Variants in PDE12 observed in about 807,000 individuals in gnomAD.
The protein encoded by PDE12 is phosphodiesterase 12, also known as 2',5'-phosphodiesterase 12.
PDE12 carries 26 observed loss-of-function variants against 45.4 expected under a neutral mutation model. The observed-to-expected ratio is 0.57, with a 90% CI of 0.42 to 0.79. The LOEUF is 0.79. Among genes scored for constraint, PDE12 ranks in the 30% least tolerant of loss-of-function variants. The probability of loss-of-function intolerance (pLI) is 0.00; values close to 1 mark genes in which losing one functional copy is unlikely to be tolerated. For missense variants in PDE12, 668 were observed against 790.0 expected (o/e 0.85, Z 1.85); for synonymous variants, 283 against 323.9 (o/e 0.87, Z 1.36).
the PDE12 span, among the ~76,000 whole-genome samples, chr3:57,592,328 A>G: frequency 6.6e-6 from 1 of 152,068 alleles, no homozygotes; most frequent in Admixed American, 6.6e-5. Flanking sequence ...CTCTACTACA[A>G]ATATGAAAAT....
the PDE12 span, among the ~76,000 whole-genome samples, chr3:57,622,563 C>G: frequency 6.6e-6 from 1 of 152,108 alleles, no homozygotes; most frequent in Non-Finnish European, 1.5e-5. Context: ...CCAGACATCC[C>G]CCTCATACCA....
chr3:57,587,362 CAAAGA>C, the PDE12 span, among the ~76,000 whole-genome samples: 3 of 137,916 alleles, frequency 2.2e-5, no homozygotes, highest in Admixed American at 7.3e-5. Context: ...AAAATACTGA[CAAAGA>C]AAAGAATTGA....
chr3:57,641,689 G>T, the PDE12 span: 1 of 1,612,822 alleles, frequency 6.2e-7, no homozygotes, highest in Non-Finnish European at 8.5e-7. Flanking sequence ...ATAATGTGTG[G>T]CCAGTGCTGG....
At chr3:57,616,981 A>C in the PDE12 span, among the ~76,000 whole-genome samples, 4 of 152,168 alleles carry the variant, frequency 2.6e-5, no homozygotes, top group Admixed American at 6.5e-5. Flanking sequence ...TCAAGATCAC[A>C]TCACTGCACT....
At chr3:57,572,655 G>A in the PDE12 span, among the ~76,000 whole-genome samples, 2 of 152,090 alleles carry the variant, frequency 1.3e-5, no homozygotes, top group African/African-American at 2.4e-5. Flanking sequence ...CAGCCTGGGC[G>A]ACAGAGTGAG....
chr3:57,616,325 GAAA>G, the PDE12 span, among the ~76,000 whole-genome samples: 4 of 150,650 alleles, frequency 2.7e-5, no homozygotes, highest in South Asian at 6.3e-4. Context: ...TTGTCTCAAA[GAAA>G]AAAGAAGAAG....
chr3:57,636,652 G>T, the PDE12 span, among the ~76,000 whole-genome samples: 3,658 of 152,160 alleles, frequency 0.024, 69 homozygotes, highest in Non-Finnish European at 0.035. Flanking sequence ...GAGATAAAAA[G>T]TTGGCCGGGC....
chr3:57,608,725 C>A, the PDE12 span, among the ~76,000 whole-genome samples: 1 of 152,174 alleles, frequency 6.6e-6, no homozygotes, highest in East Asian at 1.9e-4. Context: ...CAGGAGCACC[C>A]AGATTCATAA....
At position 57,566,643 on chromosome 3, in the gene PDE12, T is replaced by C. The variant is rs1028596258; in HGVS notation, c.*6639T>C. ...TAACACTTTATTATCTTTTTGATTA[T>C]AGGCATCCTAGTGTCAAGTGGCATC... On this transcript the variant is annotated 3_prime_UTR_variant, in exon 3 of 3. Coordinates refer to ENST00000311180, the MANE Select transcript of PDE12 (RefSeq NM_177966.7). The C allele has an allele frequency of 5.9e-5, 9 of 152,206 alleles. No homozygotes were observed. Among genetic ancestry groups the C allele is most frequent in the African/African-American group, 2.2e-4 (9 of 41,456 alleles). 9.4% of individuals were successfully genotyped at this position (152,206 alleles called of 1,614,324 possible).
At chr3:57,600,407 CT>C in the PDE12 span, among the ~76,000 whole-genome samples, 8 of 148,466 alleles carry the variant, frequency 5.4e-5, no homozygotes, top group Non-Finnish European at 1.0e-4. Flanking sequence ...TCATCCTTCC[CT>C]CCCCTTCCTT....
At chr3:57,628,897 A>T in the PDE12 span, 76 of 1,607,922 alleles carry the variant, frequency 4.7e-5, no homozygotes, top group Middle Eastern at 2.0e-3. Context: ...TAGAATAAAT[A>T]AAGTCCCAAA....
chr3:57,575,474 T>A, the PDE12 span: 1 of 1,417,482 alleles, frequency 7.1e-7, no homozygotes, highest in Non-Finnish European at 9.4e-7. Flanking sequence ...ATGTTTAAAC[T>A]GAATATTAGC....
the PDE12 span, among the ~76,000 whole-genome samples, chr3:57,635,324 G>A: frequency 6.6e-6 from 1 of 152,180 alleles, no homozygotes; most frequent in Non-Finnish European, 1.5e-5. Context: ...CTGAGCCACA[G>A]ATGGACAGGA....
the PDE12 span, among the ~76,000 whole-genome samples, chr3:57,607,429 G>A: frequency 2.6e-5 from 4 of 152,140 alleles, no homozygotes; most frequent in South Asian, 6.3e-4. Flanking sequence ...GGCTTCAGAC[G>A]ATCAAACTTC....
the PDE12 span, among the ~76,000 whole-genome samples, chr3:57,590,321 C>T: frequency 6.6e-6 from 1 of 150,388 alleles, no homozygotes; most frequent in Non-Finnish European, 1.5e-5. Flanking sequence ...CCTGTCTCTA[C>T]TAAAAAATAC....
chr3:57,653,097 G>A, the PDE12 span, among the ~76,000 whole-genome samples: 15 of 152,226 alleles, frequency 9.9e-5, no homozygotes, highest in East Asian at 2.3e-3. Context: ...GCACCAAGTC[G>A]CCAGCTTACT....
rs757772137 is a variant in PDE12 at position 57,556,565 on chromosome 3, C to T, written c.186C>T (p.Asn62=). ...CTTTGGCTGATGGTAGCCACAAGAA[C>T]ATGCAGCGCGACCAGAGCGAGCCGC... is the stretch of plus-strand genomic sequence containing the variant. ...SFALADGSHK[N]MQRDQSEPLG... is the part of the protein sequence containing the mutation. The change falls in exon 1 of 3, where the codon AAC becomes AAT. Residue 62 remains asparagine (N), a synonymous_variant. Coordinates refer to ENST00000311180, the MANE Select transcript of PDE12 (RefSeq NM_177966.7). The surrounding 1 kb of genome is among the most constrained non-coding windows in gnomAD (Gnocchi z 5.0). 3.1e-6 allele frequency: 5 copies of T among 1,613,522 alleles called. No individual in the cohort carries two copies. Among genetic ancestry groups the T allele is most frequent in the Non-Finnish European group, 4.2e-6 (5 of 1,179,994 alleles).
the PDE12 span, among the ~76,000 whole-genome samples, chr3:57,618,112 A>G: frequency 6.6e-6 from 1 of 152,150 alleles, no homozygotes; most frequent in South Asian, 2.1e-4. Flanking sequence ...GATGGGAACA[A>G]TAAACACTGG....
chr3:57,613,319 A>C, the PDE12 span, among the ~76,000 whole-genome samples: 3 of 143,046 alleles, frequency 2.1e-5, no homozygotes, highest in Non-Finnish European at 3.0e-5. Flanking sequence ...TTTTTGAGAC[A>C]ATCTTACTCT....
Sources: gnomAD v4.1 joint callset for allele counts (sites outside exome capture counted in the v4.1 genomes callset) on GRCh38, gnomAD v4.1.1 for gene constraint, Gnocchi (gnomAD v3.1) non-coding constraint, MANE v1.5 for transcripts, NCBI Gene and HGNC (gene_info 2026-07-23, HGNC 2026-07-21) for gene names.